Variants in ZNF571 observed in about 807,000 individuals in gnomAD.
ZNF571 encodes the protein zinc finger protein 571.
ZNF571 carries 4 observed loss-of-function variants against 7.7 expected under a neutral mutation model. That is an observed-to-expected ratio of 0.52 (90% CI 0.25 to 1.18). The LOEUF (loss-of-function observed/expected upper bound fraction) is 1.18. Among genes scored for constraint, ZNF571 ranks in the 50% most tolerant of loss-of-function variants. The pLI is 0.14. For missense variants in ZNF571, 704 were observed against 726.9 expected, an observed-to-expected ratio of 0.97 and a Z score of 0.36; for synonymous variants, 251 against 232.4, an observed-to-expected ratio of 1.08 and a Z score of -0.73.
chr19:37,589,587 A>C (rs1050247360), intron 1 of ZNF571, among the ~76,000 whole-genome samples: 1 of 152,136 alleles, frequency 6.6e-6, no homozygotes, highest in African/African-American at 2.4e-5. Flanking sequence ...TGAATCCAAT[A>C]TCATTAAGAT....
chr19:37,586,410 C>T (rs1022058948), intron 2 of ZNF571: 7 of 517,752 alleles, frequency 1.4e-5, no homozygotes, highest in Non-Finnish European at 2.4e-5. Flanking sequence ...TTTCTGTTCC[C>T]TCAGAGCTCT....
intron 1 of ZNF571, chr19:37,594,354 C>T (rs1181904480): frequency 6.6e-6 from 1 of 152,420 alleles, no homozygotes; most frequent in Non-Finnish European, 1.5e-5. Flanking sequence ...TGAGCCCACC[C>T]CGCGGCCGCA....
chr19:37,570,991 A>AATTTG (rs1185074477), intron 3 of ZNF571, among the ~76,000 whole-genome samples: 1 of 152,234 alleles, frequency 6.6e-6, no homozygotes, highest in East Asian at 1.9e-4. Flanking sequence ...TACTAACAGT[A>AATTTG]TATAGCCTAT....
intron 3 of ZNF571, chr19:37,567,648 A>G (rs1305670142): frequency 6.6e-6 from 1 of 152,174 alleles, no homozygotes; most frequent in African/African-American, 2.4e-5. Flanking sequence ...TCTGCCAAGA[A>G]TGCTCTCAAA....
Position 37,586,742 on chromosome 19 carries a change from A to G in ZNF571, c.-66T>C. On this transcript the variant is annotated 5_prime_UTR_variant, in exon 2 of 4. Coordinates refer to ENST00000451802, the MANE Select transcript of ZNF571 (RefSeq NM_016536.5). ...GAGGTGTGCAAAGTCCAGAGAAGCC[A>G]GTGCTGGACAAGGAAAAGAAGCCAC... 1 of 1,581,500 alleles carries G rather than the reference A, an allele frequency of 6.3e-7. No homozygotes were observed. Among genetic ancestry groups the G allele is most frequent in the Non-Finnish European group, 8.6e-7 (1 of 1,157,306 alleles).
chr19:37,588,099 CAAAAAAAAAAAAAAAA>C (rs58516591), intron 1 of ZNF571, among the ~76,000 whole-genome samples: 1 of 45,742 alleles, frequency 2.2e-5, no homozygotes, highest in Non-Finnish European at 3.8e-5. Flanking sequence ...GACTCCATCT[CAAAAAAAAAAAAAAAA>C]AAAAAAAAAA....
intron 3 of ZNF571, among the ~76,000 whole-genome samples, chr19:37,581,018 A>AT (rs991964639): frequency 6.6e-6 from 1 of 152,118 alleles, no homozygotes; most frequent in African/African-American, 2.4e-5. Flanking sequence ...CATCCACATA[A>AT]TTTTTTTCAA....
intron 3 of ZNF571, among the ~76,000 whole-genome samples, chr19:37,573,876 C>T (rs925121591): frequency 6.6e-6 from 1 of 151,652 alleles, no homozygotes. Context: ...AATAACAAAA[C>T]TGCTTAGCTG....
In ZNF571 at chr19:37,565,008, A is replaced by G. The variant is rs1402135511; in HGVS notation, c.1420T>C (p.Tyr474His). 1 of 1,613,808 alleles carries G rather than the reference A, an allele frequency of 6.2e-7. No homozygotes were observed. The highest frequency in any genetic ancestry group is 8.5e-7 in the Non-Finnish European group (1 of 1,179,858). ...QHEKIHGEKHYECKECGKTFV... is the reference protein window; with the variant it reads ...QHEKIHGEKHHECKECGKTFV... ...GTCTTCCCACATTCCTTACATTCAT[A>G]ATGTTTCTCACCATGAATTTTCTCA... Residue 474 changes from tyrosine (Y) to histidine (H), a missense_variant, in exon 4 of 4, where the codon TAT becomes CAT. Physicochemically the swap from Tyr to His is moderately conservative, Grantham distance 83. Transcript: ENST00000451802.
At chr19:37,594,166 C>G (rs1600550426) in intron 1 of ZNF571, 1 of 152,252 alleles carries the variant, frequency 6.6e-6, no homozygotes, top group East Asian at 1.9e-4. Context: ...CTTCCTAAGA[C>G]ACTTCCAGGG....
At position 37,584,101 on chromosome 19, in the gene ZNF571, AAAC is replaced by A. The variant is rs1332280176; in HGVS notation, c.10-7_10-5del. ...CATCCCTGAAAGTCACCAACAACTG[AAAC>A]AACAAATCCATTACAGGATGATTCT... On this transcript the variant is annotated splice_polypyrimidine_tract_variant and splice_region_variant and intron_variant, in intron 2 of 3. Transcript: ENST00000451802. The A allele has an allele frequency of 1.2e-6, 2 of 1,613,972 alleles. No individual in the cohort carries two copies. The highest frequency in any genetic ancestry group is 1.7e-6 in the Non-Finnish European group (2 of 1,179,972).
rs1191095599 is a variant in ZNF571, at chr19:37,565,040, G to C, written c.1388C>G (p.Thr463Ser). Residue 463 changes from threonine (T) to serine (S), a missense_variant, in exon 4 of 4, where the codon ACT (threonine) becomes AGT (serine). Thr to Ser is a moderately conservative substitution (Grantham distance 58, BLOSUM62 1). Transcript: ENST00000451802. ...CTCACCATGAATTTTCTCATGTTGA[G>C]TAAGATATGCAACACGAATAAAGGC... Reference protein sequence around the residue: ...GKAFIRVAYLTQHEKIHGEKH... With the variant: ...GKAFIRVAYLSQHEKIHGEKH... 1 of 1,613,574 alleles carries C rather than the reference G, an allele frequency of 6.2e-7. No homozygotes were observed. The highest frequency in any genetic ancestry group is 1.7e-5 in the Admixed American group (1 of 59,996).
intron 1 of ZNF571, among the ~76,000 whole-genome samples, chr19:37,591,568 G>C (rs573014048): frequency 6.6e-6 from 1 of 152,144 alleles, no homozygotes; most frequent in African/African-American, 2.4e-5. Context: ...TCTTGAGATG[G>C]AGTTTCACTC....
chr19:37,566,835 C>T (rs531696484), intron 3 of ZNF571, among the ~76,000 whole-genome samples: 1 of 152,256 alleles, frequency 6.6e-6, no homozygotes, highest in South Asian at 2.1e-4. Flanking sequence ...AAAATCTTCC[C>T]TATTAATGGT....
At position 37,564,966 on chromosome 19, in the gene ZNF571, G is replaced by C; in HGVS notation, c.1462C>G (p.Gln488Glu). The C allele has an allele frequency of 1.9e-6, 3 of 1,613,202 alleles. No individual in the cohort carries two copies. Among genetic ancestry groups the C allele is most frequent in the Non-Finnish European group, 2.5e-6 (3 of 1,179,746 alleles). ...ECGKTFVRAT[Q>E]LTYHQRIHTG... is the part of the protein sequence containing the mutation. ...TGAATTCTTTGATGATATGTAAGTT[G>C]TGTAGCACGTACAAAGGTCTTCCCA... Residue 488 changes from glutamine to glutamate, a missense_variant, in exon 4 of 4, where the codon CAA becomes GAA. Coordinates refer to ENST00000451802, the MANE Select transcript of ZNF571 (RefSeq NM_016536.5).
At chr19:37,582,464 G>A (rs1340841474) in intron 3 of ZNF571, among the ~76,000 whole-genome samples, 1 of 152,022 alleles carries the variant, frequency 6.6e-6, no homozygotes, top group Non-Finnish European at 1.5e-5. Flanking sequence ...CTGAATGTTG[G>A]AACACCCCAT....
chr19:37,567,768 A>G (rs772526888), intron 3 of ZNF571: 5 of 152,098 alleles, frequency 3.3e-5, no homozygotes, highest in Non-Finnish European at 7.4e-5. Context: ...CTATACCTGT[A>G]ATTTATTCCT....
intron 1 of ZNF571, among the ~76,000 whole-genome samples, chr19:37,590,751 A>AT (rs1366655657): frequency 1.3e-5 from 2 of 152,308 alleles, no homozygotes; most frequent in Non-Finnish European, 2.9e-5. Context: ...GTGTAATATT[A>AT]TATCAAAATA....
chr19:37,577,966 A>C (rs1156364027), intron 3 of ZNF571, among the ~76,000 whole-genome samples: 1 of 152,194 alleles, frequency 6.6e-6, no homozygotes. Context: ...GCGAGTGAGC[A>C]TCACCACCTG....
Sources: gnomAD v4.1 joint callset for allele counts (sites outside exome capture counted in the v4.1 genomes callset) on GRCh38, gnomAD v4.1.1 for gene constraint, MANE v1.5 for transcripts, NCBI Gene and HGNC (gene_info 2026-07-23, HGNC 2026-07-21) for gene names.